Variants in MBTD1 observed in about 807,000 individuals in gnomAD.
The protein encoded by MBTD1 is MBT domain-containing protein 1.
A neutral mutation model predicts 87.8 loss-of-function variants in MBTD1; 24 were observed. The ratio of observed to expected loss-of-function variants is 0.27; its 90% CI spans 0.20 to 0.38. MBTD1 has a LOEUF of 0.38. Ranked by LOEUF, MBTD1 falls within the 10% of genes least tolerant of loss-of-function variation. The pLI, the probability that MBTD1 is intolerant of heterozygous loss-of-function variation, is 1.00. For missense variants in MBTD1, 436 were observed against 760.2 expected (o/e 0.57, Z 5.02); for synonymous variants, 237 against 248.6 (o/e 0.95, Z 0.44).
Position 51,220,475 on chromosome 17 carries a change from A to G in MBTD1, c.155-12T>C. The G allele has an allele frequency of 1.3e-6, 2 of 1,535,870 alleles. No homozygotes were observed. Among genetic ancestry groups the G allele is most frequent in the Middle Eastern group, 1.7e-4 (1 of 5,904 alleles). On this transcript the variant is annotated splice_polypyrimidine_tract_variant and intron_variant, in intron 3 of 16. Coordinates refer to ENST00000586178, the MANE Select transcript of MBTD1 (RefSeq NM_017643.3). ...CATCTCACAGGTAGCTAATTAACAA[A>G]ATAAAAACACTGGTGTTATGATGAT...
chr17:51,260,207 G>A, upstream of MBTD1: 1 of 409,072 alleles, frequency 2.4e-6, no homozygotes, highest in South Asian at 4.3e-5. Context: ...GCGTATTGGG[G>A]CTTGTGTCAA....
At chr17:51,251,399 G>T (rs1047772690) in intron 2 of MBTD1, 2 of 152,096 alleles carry the variant, frequency 1.3e-5, no homozygotes, top group Non-Finnish European at 2.9e-5. Context: ...ATGAGGCAAT[G>T]CTTATAATTT....
intron 10 of MBTD1, among the ~76,000 whole-genome samples, chr17:51,202,362 A>T (rs2051541454): frequency 6.6e-6 from 1 of 152,246 alleles, no homozygotes; most frequent in Non-Finnish European, 1.5e-5. Flanking sequence ...TGTGCTTAGT[A>T]TTAAGTCTAA....
At chr17:51,248,621 C>T (rs1032594281) in intron 2 of MBTD1, among the ~76,000 whole-genome samples, 2 of 152,098 alleles carry the variant, frequency 1.3e-5, no homozygotes, top group Admixed American at 6.6e-5. Flanking sequence ...GGCATAAAAT[C>T]GTATGCATAT....
intron 2 of MBTD1, among the ~76,000 whole-genome samples, chr17:51,258,727 A>G (rs959984351): frequency 1.3e-5 from 2 of 152,208 alleles, no homozygotes; most frequent in African/African-American, 4.8e-5. Context: ...ATGACGCTGA[A>G]ATTTCTAACT....
Position 51,225,086 on chromosome 17 carries a change from C to A in MBTD1, c.76G>T (p.Ala26Ser), listed in dbSNP as rs376120106. 21 of 1,551,390 alleles carry A rather than the reference C, an allele frequency of 1.4e-5. No homozygotes were observed. The highest frequency in any genetic ancestry group is 4.1e-5 in the African/African-American group (3 of 73,026). ...ATCGGGAGATTAGAAGGTAAAGGAGCGACTTCTTCCTCACTCTCTTCGGAG... is the reference window on the plus strand; with the variant it reads ...ATCGGGAGATTAGAAGGTAAAGGAGAGACTTCTTCCTCACTCTCTTCGGAG... ...SSSEESEEEV[A>S]PLPSNLPIIK... is the part of the protein sequence containing the mutation. The change falls in exon 3 of 17, where the codon GCT becomes TCT. Residue 26 changes from alanine to serine, a missense_variant. Transcript: ENST00000586178.
At chr17:51,240,073 G>C (rs373226183) in intron 2 of MBTD1, among the ~76,000 whole-genome samples, 1 of 151,962 alleles carries the variant, frequency 6.6e-6, no homozygotes, top group Non-Finnish European at 1.5e-5. Flanking sequence ...TTAAGAATGC[G>C]GTCCCTTTAA....
Position 51,218,911 on chromosome 17 carries a change from T to C in MBTD1, c.403+19A>G, listed in dbSNP as rs1231182135. 14 of 1,370,204 alleles carry C rather than the reference T, an allele frequency of 1.0e-5. No homozygotes were observed. In the Admixed American group the frequency reaches 2.2e-4, roughly 21 times the overall value. The allele number at this position is 1,370,204 out of a possible 1,614,324, so 84.9% of individuals were successfully genotyped here. A position where few individuals can be genotyped will look rare whatever the true frequency, so the allele number is the denominator to read the frequency against. ...ATCAATGTCATATATTTCACCTCTGTCAGATTCACCAATATTACCTGCTTT... is the reference window on the plus strand; with the variant it reads ...ATCAATGTCATATATTTCACCTCTGCCAGATTCACCAATATTACCTGCTTT... On this transcript the variant is annotated intron_variant, in intron 5 of 16. Coordinates refer to ENST00000586178, the MANE Select transcript of MBTD1 (RefSeq NM_017643.3).
chr17:51,260,873 G>A, upstream of MBTD1: 1 of 1,601,742 alleles, frequency 6.2e-7, no homozygotes, highest in Admixed American at 1.7e-5. Flanking sequence ...GCTGGTCTTC[G>A]GCGACGTCGA....
intron 15 of MBTD1, 22 bp from the exon 16 acceptor site, chr17:51,192,302 T>C (rs1484484326): frequency 3.4e-6 from 5 of 1,489,004 alleles, no homozygotes; most frequent in East Asian, 2.5e-5. Context: ...AAAGGGAAAA[T>C]TGGTACTAGA....
chr17:51,197,039 A>AAG lies in MBTD1; in HGVS notation c.1225-1680_1225-1679dup, dbSNP rs1491365128. 1.3e-4 allele frequency among the ~76,000 whole-genome samples: 14 copies of AAG among 107,192 alleles called. 1 individual carries two copies. The highest frequency in any genetic ancestry group is 2.2e-4 in the Non-Finnish European group (11 of 49,984). 70.3% of individuals were successfully genotyped at this position (107,192 alleles called of 152,430 possible). ...TGTCTTTATCTATTATTATATATAC[A>AAG]AGATATATATATATATATATATATA... is the stretch of plus-strand genomic sequence containing the variant. On this transcript the variant is annotated intron_variant, in intron 12 of 16. Coordinates refer to ENST00000586178, the MANE Select transcript of MBTD1 (RefSeq NM_017643.3).
chr17:51,184,803 T>C (rs2050459980), intron 16 of MBTD1: 1 of 152,168 alleles, frequency 6.6e-6, no homozygotes, highest in South Asian at 2.1e-4. Flanking sequence ...GACTATTTCA[T>C]AAATAAGTGC....
At chr17:51,182,704 T>G (rs1053319333) in intron 16 of MBTD1, among the ~76,000 whole-genome samples, 1 of 152,108 alleles carries the variant, frequency 6.6e-6, no homozygotes, top group African/African-American at 2.4e-5. Flanking sequence ...AGGGTAAAAG[T>G]TCTTCATTTT....
At chr17:51,194,029 CTT>C (rs1338407765) in intron 13 of MBTD1, among the ~76,000 whole-genome samples, 1 of 152,324 alleles carries the variant, frequency 6.6e-6, no homozygotes, top group Admixed American at 6.5e-5. Flanking sequence ...AAGTGGCTCT[CTT>C]TTTCTGTTTA....
At chr17:51,250,517 T>C (rs1343341720) in intron 2 of MBTD1, 1 of 152,220 alleles carries the variant, frequency 6.6e-6, no homozygotes, top group Non-Finnish European at 1.5e-5. Flanking sequence ...GGATATAAAA[T>C]CCTTGGCTAG....
At chr17:51,259,046 G>A (rs2055274960) in intron 2 of MBTD1, 97 bp downstream of exon 2, 1 of 398,082 alleles carries the variant, frequency 2.5e-6, no homozygotes, top group Non-Finnish European at 4.4e-6. Flanking sequence ...AATAAGGGTA[G>A]GCAGACAACA....
intron 16 of MBTD1, among the ~76,000 whole-genome samples, chr17:51,181,547 T>G (rs942490028): frequency 6.6e-6 from 1 of 152,188 alleles, no homozygotes; most frequent in Non-Finnish European, 1.5e-5. Context: ...TAGTCCCAGC[T>G]ACTCATGACT....
Position 51,257,852 on chromosome 17 carries a change from C to G in MBTD1, c.-49+1291G>C, listed in dbSNP as rs531210543. On this transcript the variant is annotated intron_variant, in intron 2 of 16. Coordinates refer to ENST00000586178, the MANE Select transcript of MBTD1 (RefSeq NM_017643.3). Reference sequence around the variant, plus strand: ...GTCAAACATTACATAAAGTTAGAAACTGGATGGTTAAAAAGCATGACGCAA... The same window carrying G: ...GTCAAACATTACATAAAGTTAGAAAGTGGATGGTTAAAAAGCATGACGCAA... Among the ~76,000 whole-genome samples the G allele has an allele frequency of 1.3e-4, 20 of 152,060 alleles. 1 individual carries two copies. Among genetic ancestry groups the G allele is most frequent in the African/African-American group, 4.1e-4 (17 of 41,484 alleles).
At chr17:51,202,978 G>T in intron 9 of MBTD1, 43 bp from the exon 10 acceptor site, 2 of 1,487,554 alleles carry the variant, frequency 1.3e-6, no homozygotes, top group East Asian at 4.5e-5. Flanking sequence ...TCATGACAAA[G>T]GTCTACAAGA....
Sources: gnomAD v4.1 joint callset for allele counts (sites outside exome capture counted in the v4.1 genomes callset) on GRCh38, gnomAD v4.1.1 for gene constraint, MANE v1.5 for transcripts, NCBI Gene and HGNC (gene_info 2026-07-23, HGNC 2026-07-21) for gene names.